The following LNX1 variants were observed in gnomAD, a reference collection of about 807,000 sequenced individuals.
The protein encoded by LNX1 is ligand of numb-protein X 1.
LNX1 carries 54 observed loss-of-function variants against 68.4 expected under a neutral mutation model. The observed-to-expected ratio is 0.79, with a 90% confidence interval of 0.63 to 0.99. The LOEUF (loss-of-function observed/expected upper bound fraction) is 0.99. LNX1 is among the 50% of genes least tolerant of loss of function. The pLI is 0.00. For missense variants in LNX1, 906 were observed against 926.4 expected (o/e 0.98, Z 0.29); for synonymous variants, 336 against 350.0 (o/e 0.96, Z 0.45).
At chr4:53,600,307 CA>C (rs1264810524) in intron 2 of LNX1, among the ~76,000 whole-genome samples, 3 of 151,400 alleles carry the variant, frequency 2.0e-5, no homozygotes, top group South Asian at 2.1e-4. Context: ...CACATGCACA[CA>C]AAAAAAAGTC....
chr4:53,567,192 A>AT (rs1367560490), intron 2 of LNX1, among the ~76,000 whole-genome samples: 3 of 139,684 alleles, frequency 2.1e-5, no homozygotes, highest in African/African-American at 8.0e-5. Flanking sequence ...CAGAATATAC[A>AT]TTTTTTTCAG....
Position 53,459,504 on chromosome 4 carries a change from T to C in LNX1, c.*1403A>G. On this transcript the variant is annotated 3_prime_UTR_variant, in exon 11 of 11. Transcript: ENST00000263925. ...TACCAGAAGTAGATACTATAAATCT[T>C]GTTATTTTTCTGGATAATGTTTAAG... 1 of 1,607,704 alleles carries C rather than the reference T, an allele frequency of 6.2e-7. No individual in the cohort carries two copies. The highest frequency in any genetic ancestry group is 8.5e-7 in the Non-Finnish European group (1 of 1,176,186).
chr4:53,468,986 A>G (rs1372995039), intron 9 of LNX1, among the ~76,000 whole-genome samples: 4 of 152,324 alleles, frequency 2.6e-5, no homozygotes, highest in Admixed American at 2.6e-4. Context: ...TGCACCAAGC[A>G]GACCTAATAG....
chr4:53,519,685 G>GA (rs1727065622), intron 2 of LNX1, among the ~76,000 whole-genome samples: 1 of 151,652 alleles, frequency 6.6e-6, no homozygotes, highest in Non-Finnish European at 1.5e-5. Context: ...GCGCGCACAT[G>GA]CACACACACA....
chr4:53,461,942 A>T (rs751821402), intron 9 of LNX1, among the ~76,000 whole-genome samples: 13 of 152,144 alleles, frequency 8.5e-5, no homozygotes, highest in South Asian at 2.1e-4. Context: ...GTGAACAAAC[A>T]CACTTATGGA....
At chr4:53,576,642 T>TAA (rs11404981) in intron 1 of LNX1, among the ~76,000 whole-genome samples, 2,111 of 148,788 alleles carry the variant, frequency 0.014, 59 homozygotes, top group African/African-American at 0.049. Flanking sequence ...AAAAATAAAT[T>TAA]AAAAAAAAAA....
intron 6 of LNX1, among the ~76,000 whole-genome samples, chr4:53,489,908 G>T (rs1724566028): frequency 6.6e-6 from 1 of 151,892 alleles, no homozygotes; most frequent in Admixed American, 6.6e-5. Context: ...AAAAAATACA[G>T]ATCTATCAGC....
chr4:53,504,207 G>A (rs1159165838), intron 4 of LNX1, among the ~76,000 whole-genome samples: 2 of 152,216 alleles, frequency 1.3e-5, no homozygotes, highest in East Asian at 1.9e-4. Flanking sequence ...TGGAAAACCT[G>A]CTGCAGCTTC....
intron 1 of LNX1, among the ~76,000 whole-genome samples, chr4:53,627,570 A>G (rs1734125788): frequency 1.3e-5 from 2 of 152,224 alleles, no homozygotes; most frequent in Admixed American, 1.3e-4. Flanking sequence ...AACTCTAATA[A>G]AGTGAATCCT....
chr4:53,472,994 G>A (rs913329829), intron 9 of LNX1, among the ~76,000 whole-genome samples: 2 of 152,144 alleles, frequency 1.3e-5, no homozygotes, highest in African/African-American at 4.8e-5. Flanking sequence ...ACCTTCTGGA[G>A]TGATTTTCAA....
At position 53,638,469 on chromosome 4, in the gene LNX1, G is replaced by A. The variant is rs546634037; in HGVS notation, c.-215+13699C>T. 1.5e-4 allele frequency among the ~76,000 whole-genome samples: 23 copies of A among 152,298 alleles called. 1 individual carries two copies. In the South Asian group the frequency reaches 1.9e-3, roughly 12 times the overall value. On this transcript the variant is annotated intron_variant, in intron 1 of 2. Transcript: ENST00000507168. ...TATTTGTGGGCATGCTCAAAGCAGC[G>A]AAACTTTAAGTCATGGGATGCACGT...
chr4:53,544,259 A>G (rs1728950732), intron 2 of LNX1, among the ~76,000 whole-genome samples: 1 of 150,884 alleles, frequency 6.6e-6, no homozygotes, highest in Admixed American at 6.6e-5. Context: ...CAGTGGTGCC[A>G]TCTCAGCTCA....
At chr4:53,462,429 C>G (rs1022160781) in intron 9 of LNX1, among the ~76,000 whole-genome samples, 6 of 151,968 alleles carry the variant, frequency 3.9e-5, no homozygotes, top group African/African-American at 1.4e-4. Context: ...CGTTGTTGAC[C>G]ACATTTGTAG....
At chr4:53,527,962 C>T (rs1727743951) in intron 2 of LNX1, among the ~76,000 whole-genome samples, 1 of 152,192 alleles carries the variant, frequency 6.6e-6, no homozygotes, top group Admixed American at 6.5e-5. Context: ...TTTCTTCATT[C>T]ACCCACAAAC....
intron 2 of LNX1, among the ~76,000 whole-genome samples, chr4:53,601,049 G>C (rs1732985642): frequency 6.9e-6 from 1 of 144,868 alleles, no homozygotes; most frequent in African/African-American, 2.6e-5. Context: ...CTGCACTCCA[G>C]CCTGGGGGAC....
intron 9 of LNX1, among the ~76,000 whole-genome samples, chr4:53,463,728 A>AAAT (rs2150555086): frequency 6.6e-6 from 1 of 152,276 alleles, no homozygotes; most frequent in South Asian, 2.1e-4. Flanking sequence ...AAATTTAATG[A>AAAT]AATGAGTTAA....
intron 1 of LNX1, among the ~76,000 whole-genome samples, chr4:53,640,573 C>T (rs1734641320): frequency 6.6e-6 from 1 of 152,082 alleles, no homozygotes; most frequent in South Asian, 2.1e-4. Context: ...TTGTTTAAGC[C>T]TTGATGTGAT....
chr4:53,620,558 G>A (rs1172423669), upstream of LNX1, among the ~76,000 whole-genome samples: 1 of 152,178 alleles, frequency 6.6e-6, no homozygotes, highest in Non-Finnish European at 1.5e-5. Flanking sequence ...TAAAAGACAT[G>A]ACTGAAGACT....
chr4:53,566,684 A>C (rs1253668608), intron 2 of LNX1, among the ~76,000 whole-genome samples: 1 of 152,114 alleles, frequency 6.6e-6, no homozygotes, highest in South Asian at 2.1e-4. Flanking sequence ...AAATGCTCCA[A>C]CTAAAAGACA....
Sources: allele counts gnomAD v4.1 joint callset (sites outside exome capture counted in the v4.1 genomes callset), GRCh38; gene constraint gnomAD v4.1.1; transcripts MANE v1.5; gene names NCBI Gene and HGNC (gene_info 2026-07-23, HGNC 2026-07-21).